RAB3IP: variants seen among roughly 807,000 people sequenced by gnomAD.
RAB3IP encodes the protein rab-3A-interacting protein.
A neutral mutation model predicts 59.1 loss-of-function variants in RAB3IP; 36 were observed. The ratio of observed to expected loss-of-function variants is 0.61; its 90% CI spans 0.47 to 0.80. RAB3IP has a LOEUF of 0.80. RAB3IP is among the 30% of genes least tolerant of loss of function. The pLI, the probability that RAB3IP is intolerant of heterozygous loss-of-function variation, is 0.00. For synonymous variants in RAB3IP, 207 were observed against 191.2 expected (o/e 1.08, Z -0.68); for missense variants, 511 against 536.0 (o/e 0.95, Z 0.46).
At chr12:69,741,240 G>C (rs1297090311) in intron 1 of RAB3IP, among the ~76,000 whole-genome samples, 1 of 152,196 alleles carries the variant, frequency 6.6e-6, no homozygotes, top group African/African-American at 2.4e-5. Context: ...ACATTCCCGG[G>C]ATATAGGTGG....
intron 4 of RAB3IP, 34 bp downstream of exon 4, chr12:69,784,849 T>A: frequency 1.6e-6 from 2 of 1,230,446 alleles, no homozygotes; most frequent in Non-Finnish European, 2.4e-6. Flanking sequence ...AACAGCAACA[T>A]CTTGACTTTT....
upstream of RAB3IP, chr12:69,738,643 GC>G (rs1886903938): frequency 6.6e-6 from 1 of 151,834 alleles, no homozygotes. Context: ...GCTCCGGCTC[GC>G]GCTGGTTCCC....
intron 5 of RAB3IP, 46 bp downstream of exon 5, chr12:69,794,560 C>T: frequency 6.9e-7 from 1 of 1,457,548 alleles, no homozygotes; most frequent in Non-Finnish European, 9.5e-7. Flanking sequence ...TTTGTGATAA[C>T]TGTTTTAAAG....
chr12:69,803,062 T>C (rs1878641930), intron 8 of RAB3IP, among the ~76,000 whole-genome samples: 1 of 152,242 alleles, frequency 6.6e-6, no homozygotes, highest in African/African-American at 2.4e-5. Context: ...ATTTTAAATA[T>C]AGCATATAAC....
At chr12:69,810,393 C>T (rs553596069) in intron 8 of RAB3IP, among the ~76,000 whole-genome samples, 10 of 152,136 alleles carry the variant, frequency 6.6e-5, no homozygotes, top group African/African-American at 1.4e-4. Context: ...TCTCAAGCTG[C>T]GTGCTGGGAG....
At chr12:69,752,731 A>G (rs1434666384) in intron 1 of RAB3IP, among the ~76,000 whole-genome samples, 3 of 152,216 alleles carry the variant, frequency 2.0e-5, no homozygotes, top group Non-Finnish European at 4.4e-5. Context: ...AGTATATGGG[A>G]TAGAAGAAAG....
intron 1 of RAB3IP, among the ~76,000 whole-genome samples, chr12:69,754,963 C>A (rs191802227): frequency 4.6e-5 from 7 of 152,314 alleles, no homozygotes; most frequent in East Asian, 3.9e-4. Context: ...TGATTATTCT[C>A]ACTTTAACAG....
At chr12:69,781,150 A>G (rs1182522847) in intron 3 of RAB3IP, among the ~76,000 whole-genome samples, 2 of 152,272 alleles carry the variant, frequency 1.3e-5, no homozygotes, top group East Asian at 1.9e-4. Flanking sequence ...GTTATTTTAC[A>G]TCCCTTGAGC....
chr12:69,753,270 T>A (rs868686787), intron 1 of RAB3IP, among the ~76,000 whole-genome samples: 1 of 152,216 alleles, frequency 6.6e-6, no homozygotes, highest in Non-Finnish European at 1.5e-5. Flanking sequence ...TTATTAAGGA[T>A]TTGAGAGTTA....
At chr12:69,743,161 T>C (rs1887515597) in intron 1 of RAB3IP, among the ~76,000 whole-genome samples, 1 of 152,196 alleles carries the variant, frequency 6.6e-6, no homozygotes, top group Non-Finnish European at 1.5e-5. Flanking sequence ...AGCATATAGA[T>C]GATAGCTTAG....
chr12:69,743,507 A>AT (rs1317022348), intron 1 of RAB3IP, among the ~76,000 whole-genome samples: 1 of 152,110 alleles, frequency 6.6e-6, no homozygotes, highest in African/African-American at 2.4e-5. Flanking sequence ...AAAATCATAC[A>AT]TTTATGTTGT....
chr12:69,788,318 A>C (rs1263440758), intron 4 of RAB3IP, among the ~76,000 whole-genome samples: 1 of 152,158 alleles, frequency 6.6e-6, no homozygotes, highest in Non-Finnish European at 1.5e-5. Flanking sequence ...CACCTTGGCT[A>C]TATGATATTG....
intron 6 of RAB3IP, among the ~76,000 whole-genome samples, chr12:69,797,967 A>G (rs1592587421): frequency 6.6e-6 from 1 of 152,194 alleles, no homozygotes; most frequent in African/African-American, 2.4e-5. Flanking sequence ...TATTGTGAAT[A>G]ATGCCGCAAT....
chr12:69,788,341 G>C (rs914667918), intron 4 of RAB3IP, among the ~76,000 whole-genome samples: 1 of 151,978 alleles, frequency 6.6e-6, no homozygotes, highest in African/African-American at 2.4e-5. Context: ...TATTGCTCCT[G>C]GGCTACAAAC....
Position 69,812,983 on chromosome 12 carries a change from T to G in RAB3IP, c.1250T>G (p.Phe417Cys), listed in dbSNP as rs775538127. ...CRYRITSVCNFFTYIRYIQQG... is the reference protein window; with the variant it reads ...CRYRITSVCNCFTYIRYIQQG... ...GCCTAGATCACTTCTGTATGTAACT[T>G]TTTTACATACATTCGATACATTCAG... Residue 417 changes from phenylalanine to cysteine, a missense_variant, in exon 10 of 11, where the codon TTT (phenylalanine) becomes TGT (cysteine). Transcript: ENST00000247833. 3 of 1,613,398 alleles carry G rather than the reference T, an allele frequency of 1.9e-6. No homozygotes were observed. Among genetic ancestry groups the G allele is most frequent in the Non-Finnish European group, 1.7e-6 (2 of 1,179,346 alleles).
intron 3 of RAB3IP, among the ~76,000 whole-genome samples, chr12:69,772,080 T>A (rs77576244): frequency 0.016 from 2,434 of 152,330 alleles, 66 homozygotes; most frequent in African/African-American, 0.055. Flanking sequence ...TATCCTTTTA[T>A]GTCTATTAAT....
At position 69,801,666 on chromosome 12, in the gene RAB3IP, G is replaced by A; in HGVS notation, c.1075G>A (p.Gly359Arg). ...CAATACTCTAAGCATTGAACCAGTG[G>A]GATTACAACCTATCCGGTTTGTGAA... ...ENNTLSIEPV[G>R]LQPIRFVKAS... is the part of the protein sequence containing the mutation. Residue 359 changes from glycine to arginine, a missense_variant, in exon 8 of 11, where the codon GGA becomes AGA. Physicochemically the swap from Gly to Arg is moderately radical, Grantham distance 125. Transcript: ENST00000247833. The A allele has an allele frequency of 6.2e-7, 1 of 1,612,892 alleles. No individual in the cohort carries two copies. The highest frequency in any genetic ancestry group is 8.5e-7 in the Non-Finnish European group (1 of 1,179,390).
At chr12:69,772,703 T>C (rs536238382) in intron 3 of RAB3IP, among the ~76,000 whole-genome samples, 1 of 152,298 alleles carries the variant, frequency 6.6e-6, no homozygotes, top group African/African-American at 2.4e-5. Context: ...TTTTCCCACA[T>C]TTTGAATTTT....
At position 69,817,502 on chromosome 12, in the gene RAB3IP, A is replaced by G. The variant is rs1881253363; in HGVS notation, c.*2056A>G. On this transcript the variant is annotated 3_prime_UTR_variant, in exon 11 of 11. Transcript: ENST00000247833. ...GAATATAAGTTATGGTATATTATAA[A>G]TTCTTAATTTAGAAATCGTGCATCA... is the stretch of plus-strand genomic sequence containing the variant. The G allele has an allele frequency of 6.6e-6, 1 of 152,076 alleles. No individual in the cohort carries two copies. Among genetic ancestry groups the G allele is most frequent in the Non-Finnish European group, 1.5e-5 (1 of 68,006 alleles). The allele number at this position is 152,076 out of a possible 1,614,324, so 9.4% of individuals were successfully genotyped here.
Sources: gnomAD v4.1 joint callset for allele counts (sites outside exome capture counted in the v4.1 genomes callset) on GRCh38, gnomAD v4.1.1 for gene constraint, MANE v1.5 for transcripts, NCBI Gene and HGNC (gene_info 2026-07-23, HGNC 2026-07-21) for gene names.